Variants in CACNA2D1 observed in about 807,000 individuals in gnomAD.
The protein encoded by CACNA2D1 is voltage-dependent calcium channel subunit alpha-2/delta-1.
CACNA2D1 carries 53 observed loss-of-function variants against 171.5 expected under a neutral mutation model. That is an observed-to-expected ratio of 0.31 (90% CI 0.25 to 0.39). The LOEUF (loss-of-function observed/expected upper bound fraction) is 0.39, where lower values mean the gene tolerates loss of function less well. Ranked by LOEUF, CACNA2D1 falls within the 10% of genes least tolerant of loss-of-function variation. The probability of loss-of-function intolerance (pLI) is 1.00; values close to 1 mark genes in which losing one functional copy is unlikely to be tolerated. For synonymous variants in CACNA2D1, 442 were observed against 443.1 expected, an observed-to-expected ratio of 1.00 and a Z score of 0.03; for missense variants, 903 against 1,299.8, an observed-to-expected ratio of 0.69 and a Z score of 4.69.
rs1829573256 is a variant in CACNA2D1, at chr7:82,430,406, A to G, written c.95+12959T>C. ...GCACTCCAGCCTGGGTGATAGAGAC[A>G]GACTCCATCTCAAAAAAAAAAAAAA... On this transcript the variant is annotated intron_variant, in intron 1 of 38. Coordinates refer to ENST00000356860, the MANE Select transcript of CACNA2D1 (RefSeq NM_000722.4). 2.5e-5 allele frequency among the ~76,000 whole-genome samples: 3 copies of G among 122,146 alleles called. No individual in the cohort carries two copies. The Admixed American group carries it at 2.5e-4, about 10-fold the overall frequency. 80.1% of individuals were successfully genotyped at this position (122,146 alleles called of 152,430 possible).
intron 3 of CACNA2D1, among the ~76,000 whole-genome samples, chr7:82,259,647 T>C (rs1485524240): frequency 1.3e-5 from 2 of 152,178 alleles, no homozygotes; most frequent in African/African-American, 4.8e-5. Flanking sequence ...ATTGGAAGGA[T>C]AAAGCTCTGC....
At chr7:81,955,386 A>G (rs1793113597) in intron 38 of CACNA2D1, among the ~76,000 whole-genome samples, 1 of 152,182 alleles carries the variant, frequency 6.6e-6, no homozygotes, top group Non-Finnish European at 1.5e-5. Context: ...CTAACATTTC[A>G]GTATTTTTTG....
intron 1 of CACNA2D1, among the ~76,000 whole-genome samples, chr7:82,423,671 T>C (rs1431794802): frequency 2.0e-5 from 3 of 152,196 alleles, no homozygotes; most frequent in Admixed American, 1.3e-4. Flanking sequence ...ATAGCTAAAA[T>C]AGAAAGTAAG....
chr7:81,978,753 G>GCGTGTGTA (rs1796117564), intron 24 of CACNA2D1, among the ~76,000 whole-genome samples: 2 of 139,478 alleles, frequency 1.4e-5, no homozygotes, highest in South Asian at 4.5e-4. Flanking sequence ...TTTAAAAAGT[G>GCGTGTGTA]TATATATATA....
intron 35 of CACNA2D1, 109 bp downstream of exon 35, chr7:81,962,331 C>T (rs1794234568): frequency 3.6e-6 from 3 of 838,522 alleles, no homozygotes; most frequent in Middle Eastern, 2.6e-4. Flanking sequence ...AGATGGGTGA[C>T]CTGTTTTCTC....
Position 81,947,708 on chromosome 7 carries a change from TAAC to T in CACNA2D1, c.*2681_*2683del, listed in dbSNP as rs371194605. On this transcript the variant is annotated 3_prime_UTR_variant, in exon 39 of 39. Coordinates refer to ENST00000356860, the MANE Select transcript of CACNA2D1 (RefSeq NM_000722.4). ...TTCAGTCGTTGGAAATCAATATTAATAACAGGCTATAATTTAAGTTCTTGTCAA... is the reference window on the plus strand; with the variant it reads ...TTCAGTCGTTGGAAATCAATATTAATAGGCTATAATTTAAGTTCTTGTCAA... 1 of 151,886 alleles carries T rather than the reference TAAC, an allele frequency of 6.6e-6. No individual in the cohort carries two copies. The highest frequency in any genetic ancestry group is 2.4e-5 in the African/African-American group (1 of 41,420). The allele number at this position is 151,886 out of a possible 1,614,324, so 9.4% of individuals were successfully genotyped here.
intron 38 of CACNA2D1, among the ~76,000 whole-genome samples, chr7:81,951,671 T>G (rs1792535854): frequency 6.6e-6 from 1 of 152,126 alleles, no homozygotes; most frequent in Admixed American, 6.6e-5. Flanking sequence ...ATGCCATTAT[T>G]TCATTCCTTT....
chr7:82,024,431 C>T (rs765586121), intron 12 of CACNA2D1, among the ~76,000 whole-genome samples: 5 of 151,690 alleles, frequency 3.3e-5, no homozygotes, highest in African/African-American at 4.8e-5. Context: ...TAGCTATTGG[C>T]TACCTCTATG....
chr7:82,014,872 G>A (rs1482116627), intron 12 of CACNA2D1, among the ~76,000 whole-genome samples: 1 of 152,066 alleles, frequency 6.6e-6, no homozygotes, highest in Non-Finnish European at 1.5e-5. Context: ...TGGCTAACAT[G>A]GTGAAACCCC....
At chr7:82,056,706 T>C (rs1489186085) in intron 10 of CACNA2D1, among the ~76,000 whole-genome samples, 2 of 152,140 alleles carry the variant, frequency 1.3e-5, no homozygotes, top group Non-Finnish European at 2.9e-5. Context: ...TAAAAAATTA[T>C]TATATTGCAT....
chr7:82,428,192 A>T lies in CACNA2D1; in HGVS notation c.95+15173T>A, dbSNP rs73388026. Among the ~76,000 whole-genome samples, 1,060 of 152,330 alleles carry T rather than the reference A, an allele frequency of 7.0e-3. 11 individuals carry two copies. The highest frequency in any genetic ancestry group is 0.027 in the Middle Eastern group (8 of 294). ...AGAATTGTAATTACTTGATAGTCACATACAAGAATGAAGCTTTAATGATAT... is the reference window on the plus strand; with the variant it reads ...AGAATTGTAATTACTTGATAGTCACTTACAAGAATGAAGCTTTAATGATAT... On this transcript the variant is annotated intron_variant, in intron 1 of 38. Coordinates refer to ENST00000356860, the MANE Select transcript of CACNA2D1 (RefSeq NM_000722.4).
chr7:82,138,878 G>A (rs1050830174), intron 4 of CACNA2D1, among the ~76,000 whole-genome samples: 2 of 152,042 alleles, frequency 1.3e-5, no homozygotes, highest in Non-Finnish European at 2.9e-5. Flanking sequence ...TTTATACTTA[G>A]GAGACGATTT....
At chr7:82,229,081 T>C (rs1802637771) in intron 3 of CACNA2D1, among the ~76,000 whole-genome samples, 1 of 152,168 alleles carries the variant, frequency 6.6e-6, no homozygotes, top group Non-Finnish European at 1.5e-5. Context: ...AGAAAGGGAA[T>C]ATTCAATTTT....
chr7:82,294,650 A>G (rs1812049656), intron 3 of CACNA2D1, among the ~76,000 whole-genome samples: 1 of 152,182 alleles, frequency 6.6e-6, no homozygotes, highest in Non-Finnish European at 1.5e-5. Flanking sequence ...AAATAATTAC[A>G]GAGGAATCCC....
intron 5 of CACNA2D1, among the ~76,000 whole-genome samples, chr7:82,133,569 A>G (rs187712656): frequency 7.9e-5 from 12 of 152,306 alleles, no homozygotes; most frequent in African/African-American, 2.9e-4. Context: ...ACTTTTGGGA[A>G]TCTATCCTAA....
At chr7:82,231,238 C>G (rs530053152) in intron 3 of CACNA2D1, among the ~76,000 whole-genome samples, 4 of 152,312 alleles carry the variant, frequency 2.6e-5, no homozygotes, top group African/African-American at 7.2e-5. Flanking sequence ...CATTTACCTG[C>G]TCTGGGAACA....
chr7:82,121,772 CAT>C (rs1789765117), intron 5 of CACNA2D1, among the ~76,000 whole-genome samples: 3 of 150,486 alleles, frequency 2.0e-5, no homozygotes, highest in Non-Finnish European at 4.4e-5. Context: ...TGCAAAAAAA[CAT>C]ATGAGCTTAG....
chr7:82,412,419 A>C (rs1239830558), intron 1 of CACNA2D1, among the ~76,000 whole-genome samples: 1 of 151,616 alleles, frequency 6.6e-6, no homozygotes, highest in Non-Finnish European at 1.5e-5. Flanking sequence ...AGTAGCTGAG[A>C]TTACAGGCAC....
intron 3 of CACNA2D1, among the ~76,000 whole-genome samples, chr7:82,259,258 A>T (rs1245230965): frequency 6.6e-6 from 1 of 152,176 alleles, no homozygotes; most frequent in Non-Finnish European, 1.5e-5. Flanking sequence ...ATATATAGGC[A>T]GGCCTTTTAT....
Sources: allele counts gnomAD v4.1 joint callset (sites outside exome capture counted in the v4.1 genomes callset), GRCh38; gene constraint gnomAD v4.1.1; transcripts MANE v1.5; gene names NCBI Gene and HGNC (gene_info 2026-07-23, HGNC 2026-07-21).